PSD2: variants seen among roughly 807,000 people sequenced by gnomAD.
PSD2 encodes PH and SEC7 domain-containing protein 2.
PSD2 carries 38 observed loss-of-function variants against 69.8 expected under a neutral mutation model. That is an observed-to-expected ratio of 0.54 (90% confidence interval 0.42 to 0.71). The LOEUF (loss-of-function observed/expected upper bound fraction) is 0.71. PSD2 is among the 30% of genes least tolerant of loss of function. PSD2 has a pLI of 0.00. For missense variants in PSD2, 943 were observed against 1,014.5 expected (o/e 0.93, Z 0.96); for synonymous variants, 412 against 423.0 (o/e 0.97, Z 0.32).
chr5:139,798,622 C>T (rs575403319), intron 1 of PSD2, among the ~76,000 whole-genome samples: 1 of 152,318 alleles, frequency 6.6e-6, no homozygotes, highest in Non-Finnish European at 1.5e-5. Context: ...CTAGATTTGC[C>T]AGTTGTTAAC....
intron 14 of PSD2, among the ~76,000 whole-genome samples, chr5:139,841,958 T>C (rs1410065415): frequency 6.6e-6 from 1 of 152,252 alleles, no homozygotes; most frequent in African/African-American, 2.4e-5. Flanking sequence ...GCCTTTTCAT[T>C]CTGTTGATTG....
chr5:139,768,575 T>C, the PSD2 span, among the ~76,000 whole-genome samples: 1 of 152,052 alleles, frequency 6.6e-6, no homozygotes, highest in South Asian at 2.1e-4. Flanking sequence ...AATACAAAAT[T>C]AGCTGGGCTT....
intron 7 of PSD2, among the ~76,000 whole-genome samples, chr5:139,832,356 G>A (rs376479180): frequency 6.6e-6 from 1 of 152,102 alleles, no homozygotes; most frequent in South Asian, 2.1e-4. Flanking sequence ...TTGTATCAAG[G>A]CATACATAGG....
intron 13 of PSD2, 21 bp downstream of exon 13, chr5:139,838,793 AT>A: frequency 6.2e-7 from 1 of 1,600,484 alleles, no homozygotes; most frequent in Non-Finnish European, 8.5e-7. Context: ...CTGGGTCAAC[AT>A]TTTGCCTCCC....
the PSD2 span, among the ~76,000 whole-genome samples, chr5:139,753,217 A>C: frequency 2.0e-5 from 3 of 152,168 alleles, no homozygotes; most frequent in Non-Finnish European, 4.4e-5. Context: ...GCAGCGCGAG[A>C]AACGGGATTT....
At position 139,806,759 on chromosome 5, in the gene PSD2, A is replaced by AGCCCTTGCTTT. The variant is rs1384375792; in HGVS notation, c.-50-2632_-50-2631insGCCCTTGCTTT. On this transcript the variant is annotated intron_variant, in intron 1 of 14. Coordinates refer to ENST00000274710, the MANE Select transcript of PSD2 (RefSeq NM_032289.4). ...GGCATCGTTTTACACCTCTACCCTA[A>AGCCCTTGCTTT]AGCCTCCCCTTTATGCAGCCCTTGC... 6.6e-5 allele frequency among the ~76,000 whole-genome samples: 10 copies of AGCCCTTGCTTT among 152,100 alleles called. No individual in the cohort carries two copies. The East Asian group carries it at 1.9e-3, about 29-fold the overall frequency.
chr5:139,743,543 T>C, the PSD2 span, among the ~76,000 whole-genome samples: 1 of 152,218 alleles, frequency 6.6e-6, no homozygotes, highest in African/African-American at 2.4e-5. Flanking sequence ...CCTGTAGGTG[T>C]GACTGTTTAT....
chr5:139,768,058 G>C, the PSD2 span, among the ~76,000 whole-genome samples: 43 of 152,248 alleles, frequency 2.8e-4, no homozygotes, highest in Non-Finnish European at 4.6e-4. Context: ...CAGATATCTG[G>C]CCCCCCGCCA....
At chr5:139,777,549 G>A in the PSD2 span, among the ~76,000 whole-genome samples, 1 of 152,160 alleles carries the variant, frequency 6.6e-6, no homozygotes, top group African/African-American at 2.4e-5. Context: ...AAATAATTTT[G>A]ATGATAAAGA....
Position 139,840,112 on chromosome 5 carries a change from G to T in PSD2, c.2054G>T (p.Gly685Val). The T allele has an allele frequency of 4.3e-6, 7 of 1,614,182 alleles. No individual in the cohort carries two copies. The highest frequency in any genetic ancestry group is 5.9e-6 in the Non-Finnish European group (7 of 1,180,024). Residue 685 changes from glycine (G) to valine (V), a missense_variant, in exon 14 of 15, where the codon GGC becomes GTC. Transcript: ENST00000274710. ...CACAGGTGTCACCCAGTCGAGAGGG[G>T]CATCAAGTCCAAGGAGGCCGAGGAG... ...AEHRCHPVER[G>V]IKSKEAEEYR...
intron 1 of PSD2, among the ~76,000 whole-genome samples, chr5:139,807,225 A>T (rs1759831388): frequency 6.6e-6 from 1 of 152,186 alleles, no homozygotes. Context: ...CATCCTGGTG[A>T]AATCGGGTTG....
At chr5:139,769,290 G>A in the PSD2 span, among the ~76,000 whole-genome samples, 1 of 152,106 alleles carries the variant, frequency 6.6e-6, no homozygotes, top group African/African-American at 2.4e-5. Context: ...GGTTGGGGGA[G>A]AGGAGGACGG....
chr5:139,814,504 G>C lies in PSD2; in HGVS notation c.1016+140G>C, dbSNP rs144677212. The stretch of plus-strand genomic sequence containing the variant: ...CAGTTCCCCAAGGACACCTCCTCCC[G>C]CCACTGTCCTCATTCCTGGCCTCGC... On this transcript the variant is annotated intron_variant, in intron 4 of 14. Coordinates refer to ENST00000274710, the MANE Select transcript of PSD2 (RefSeq NM_032289.4). The surrounding 1 kb of genome is among the most constrained non-coding windows in gnomAD (Gnocchi z 4.4). 2.8e-6 allele frequency: 2 copies of C among 716,442 alleles called. No homozygotes were observed. Among genetic ancestry groups the C allele is most frequent in the Non-Finnish European group, 4.3e-6 (2 of 460,600 alleles). 44.4% of individuals were successfully genotyped at this position (716,442 alleles called of 1,614,324 possible).
intron 1 of PSD2, among the ~76,000 whole-genome samples, chr5:139,798,303 C>T (rs577348909): frequency 2.6e-4 from 40 of 152,190 alleles, no homozygotes; most frequent in Non-Finnish European, 5.0e-4. Context: ...CCCTCTAAGC[C>T]GGCTTGCCCA....
chr5:139,796,354 G>T (rs978267056), intron 1 of PSD2, among the ~76,000 whole-genome samples: 1 of 152,242 alleles, frequency 6.6e-6, no homozygotes, highest in Non-Finnish European at 1.5e-5. Flanking sequence ...GCGTGTGCGT[G>T]GGGGGTGCCA....
At chr5:139,766,880 T>TTTCTTTCC in the PSD2 span, among the ~76,000 whole-genome samples, 4 of 148,506 alleles carry the variant, frequency 2.7e-5, no homozygotes, top group Admixed American at 1.3e-4. Flanking sequence ...TCTTTCTTTC[T>TTTCTTTCC]TTCTTTCCTT....
chr5:139,837,822 C>A lies in PSD2; in HGVS notation c.1823+40C>A, dbSNP rs778176295. On this transcript the variant is annotated intron_variant, in intron 12 of 14. Transcript: ENST00000274710. The surrounding 1 kb of genome is among the most constrained non-coding windows in gnomAD (Gnocchi z 5.0). Reference sequence around the variant, plus strand: ...GAGCCCTTCACTCCCACCTGGGGCCCAGGGCCACAGTGACCCGGCACACAA... The same window carrying A: ...GAGCCCTTCACTCCCACCTGGGGCCAAGGGCCACAGTGACCCGGCACACAA... The A allele has an allele frequency of 6.4e-7, 1 of 1,573,912 alleles. No individual in the cohort carries two copies. The highest frequency in any genetic ancestry group is 8.7e-7 in the Non-Finnish European group (1 of 1,153,932).
intron 1 of PSD2, among the ~76,000 whole-genome samples, chr5:139,800,300 G>T (rs1474537096): frequency 6.6e-6 from 1 of 152,246 alleles, no homozygotes; most frequent in Admixed American, 6.5e-5. Context: ...TGCCCTGACT[G>T]TTCTCACTTT....
Position 139,837,806 on chromosome 5 carries a change from A to C in PSD2, c.1823+24A>C. The C allele has an allele frequency of 1.3e-6, 2 of 1,590,292 alleles. No individual in the cohort carries two copies. The highest frequency in any genetic ancestry group is 1.7e-6 in the Non-Finnish European group (2 of 1,163,776). On this transcript the variant is annotated intron_variant, in intron 12 of 14. Coordinates refer to ENST00000274710, the MANE Select transcript of PSD2 (RefSeq NM_032289.4). This position sits in a 1 kb window ranked among gnomAD's most constrained non-coding sequence, Gnocchi z 5.0. The stretch of plus-strand genomic sequence containing the variant: ...CCGTGAGTAGGAGCTGGAGCCCTTC[A>C]CTCCCACCTGGGGCCCAGGGCCACA...
Sources: allele counts gnomAD v4.1 joint callset (sites outside exome capture counted in the v4.1 genomes callset), GRCh38; gene constraint gnomAD v4.1.1; non-coding constraint Gnocchi (gnomAD v3.1); transcripts MANE v1.5; gene names NCBI Gene and HGNC (gene_info 2026-07-23, HGNC 2026-07-21).